The following NXPE1 variants were observed in gnomAD, a reference collection of about 807,000 sequenced individuals.
NXPE1 encodes NXPE family member 1.
NXPE1 carries 31 observed loss-of-function variants against 33.3 expected under a neutral mutation model. That is an observed-to-expected ratio of 0.93 (90% confidence interval 0.70 to 1.26). NXPE1 has a LOEUF of 1.26. NXPE1 is among the 50% of genes most tolerant of loss of function. NXPE1 has a pLI of 0.00. For synonymous variants in NXPE1, 229 were observed against 231.4 expected, an observed-to-expected ratio of 0.99 and a Z score of 0.09; for missense variants, 661 against 655.6, an observed-to-expected ratio of 1.01 and a Z score of -0.09.
chr11:114,530,311 A>T, exon 6 of NXPE1: 1 of 1,614,242 alleles, frequency 6.2e-7, no homozygotes, highest in Non-Finnish European at 8.5e-7. Flanking sequence ...TCATCCAGAT[A>T]TTCACAGAGT....
chr11:114,544,947 C>T (rs776863747), intron 5 of NXPE1, among the ~76,000 whole-genome samples: 11 of 151,962 alleles, frequency 7.2e-5, no homozygotes, highest in Non-Finnish European at 1.5e-4. Flanking sequence ...CGCATTACAA[C>T]TAAATATATA....
chr11:114,523,034 C>T (rs1423343581), exon 8 of NXPE1: 2 of 1,613,628 alleles, frequency 1.2e-6, no homozygotes, highest in Non-Finnish European at 1.7e-6. Context: ...TAAAGTATAA[C>T]CACCAGGGAC....
At chr11:114,552,504 T>C (rs1195591362) in intron 2 of NXPE1, among the ~76,000 whole-genome samples, 1 of 152,060 alleles carries the variant, frequency 6.6e-6, no homozygotes, top group Non-Finnish European at 1.5e-5. Flanking sequence ...AGAATCCCGA[T>C]TTTTAGACCA....
At chr11:114,530,450 A>T (rs1244549017) in exon 6 of NXPE1, 1 of 1,614,198 alleles carries the variant, frequency 6.2e-7, no homozygotes, top group Admixed American at 1.7e-5. Context: ...ACGCCCCTTC[A>T]CTGGGGTGGA....
At chr11:114,559,533 G>C (rs1014006953) in intron 1 of NXPE1, among the ~76,000 whole-genome samples, 2 of 152,098 alleles carry the variant, frequency 1.3e-5, no homozygotes, top group African/African-American at 4.8e-5. Flanking sequence ...TTGGTTATTA[G>C]AGAAATATTT....
At chr11:114,541,033 G>C (rs906036755) in intron 5 of NXPE1, among the ~76,000 whole-genome samples, 1 of 151,742 alleles carries the variant, frequency 6.6e-6, no homozygotes, top group Non-Finnish European at 1.5e-5. Flanking sequence ...GCACACCTGT[G>C]GGGTAGACCC....
intron 5 of NXPE1, among the ~76,000 whole-genome samples, chr11:114,546,617 T>C (rs1400634674): frequency 6.6e-6 from 1 of 152,016 alleles, no homozygotes; most frequent in Non-Finnish European, 1.5e-5. Flanking sequence ...TTCTGAGCGC[T>C]GTCTTCTGAG....
At chr11:114,553,157 G>A (rs73568285) in intron 1 of NXPE1, among the ~76,000 whole-genome samples, 1 of 151,860 alleles carries the variant, frequency 6.6e-6, no homozygotes, top group Non-Finnish European at 1.5e-5. Context: ...TTCCTCAATC[G>A]TTTTCATTGA....
At chr11:114,538,280 A>G (rs1336450464) in intron 5 of NXPE1, among the ~76,000 whole-genome samples, 1 of 152,250 alleles carries the variant, frequency 6.6e-6, no homozygotes, top group Non-Finnish European at 1.5e-5. Flanking sequence ...AAATTAATTC[A>G]AGATGGATTA....
At chr11:114,523,705 G>A (rs1328430045) in intron 7 of NXPE1, among the ~76,000 whole-genome samples, 1 of 152,160 alleles carries the variant, frequency 6.6e-6, no homozygotes, top group African/African-American at 2.4e-5. Flanking sequence ...CACATGGTCT[G>A]CCTTCTATTA....
At chr11:114,528,309 G>A (rs1478198908) in intron 6 of NXPE1, among the ~76,000 whole-genome samples, 3 of 152,154 alleles carry the variant, frequency 2.0e-5, no homozygotes, top group South Asian at 2.1e-4. Flanking sequence ...TTTTCAATAC[G>A]ACTGCCAGAG....
chr11:114,546,092 C>A (rs1591295171), intron 5 of NXPE1, among the ~76,000 whole-genome samples: 1 of 152,170 alleles, frequency 6.6e-6, no homozygotes, highest in Admixed American at 6.5e-5. Context: ...AACTGTATTA[C>A]AAATGTATGA....
At chr11:114,523,938 T>G (rs1947291395) in intron 7 of NXPE1, among the ~76,000 whole-genome samples, 1 of 152,228 alleles carries the variant, frequency 6.6e-6, no homozygotes, top group Admixed American at 6.5e-5. Context: ...TAATAATGAC[T>G]TAAAAATAAA....
At chr11:114,547,746 G>T (rs1948331569) in intron 5 of NXPE1, among the ~76,000 whole-genome samples, 1 of 152,034 alleles carries the variant, frequency 6.6e-6, no homozygotes, top group Non-Finnish European at 1.5e-5. Flanking sequence ...AAAAGGAAAA[G>T]AAATGATGTA....
intron 7 of NXPE1, among the ~76,000 whole-genome samples, chr11:114,523,968 T>C (rs1030348078): frequency 1.8e-4 from 27 of 152,238 alleles, no homozygotes; most frequent in African/African-American, 6.0e-4. Context: ...CTGTCTCACA[T>C]AACAGGCCTG....
chr11:114,555,421 C>T (rs1295874853), intron 1 of NXPE1, among the ~76,000 whole-genome samples: 1 of 152,066 alleles, frequency 6.6e-6, no homozygotes, highest in East Asian at 1.9e-4. Flanking sequence ...GAGACAGAGT[C>T]TCACCATGTT....
At chr11:114,557,488 A>G (rs192953146) in intron 1 of NXPE1, among the ~76,000 whole-genome samples, 10 of 151,486 alleles carry the variant, frequency 6.6e-5, no homozygotes, top group African/African-American at 2.4e-4. Flanking sequence ...ATGGAAAAGA[A>G]ATATGCTGCC....
At chr11:114,539,967 G>A (rs897510469) in intron 5 of NXPE1, among the ~76,000 whole-genome samples, 4 of 151,912 alleles carry the variant, frequency 2.6e-5, no homozygotes, top group East Asian at 1.9e-4. Context: ...ACCTTAATAC[G>A]AATATTGTAA....
At chr11:114,552,877 T>A (rs1948545019) in exon 2 of NXPE1, 1 of 978,536 alleles carries the variant, frequency 1.0e-6, no homozygotes, top group African/African-American at 1.8e-5. Flanking sequence ...TAGCACAGAA[T>A]GCACTGAAAA....
Sources: allele counts gnomAD v4.1 joint callset (sites outside exome capture counted in the v4.1 genomes callset), GRCh38; gene constraint gnomAD v4.1.1; transcripts MANE v1.5; gene names NCBI Gene and HGNC (gene_info 2026-07-23, HGNC 2026-07-21).